ATP2A3: variants seen among roughly 807,000 people sequenced by gnomAD.
ATP2A3 encodes ATPase sarcoplasmic/endoplasmic reticulum Ca2+ transporting 3.
In ATP2A3, 61 loss-of-function variants were observed where a neutral mutation model predicts 106.8. The ratio of observed to expected loss-of-function variants is 0.57; its 90% CI spans 0.46 to 0.71. ATP2A3 has a LOEUF of 0.71. Ranked by LOEUF, ATP2A3 falls within the 30% of genes least tolerant of loss-of-function variation. The probability of loss-of-function intolerance (pLI) is 0.00; values close to 1 mark genes in which losing one functional copy is unlikely to be tolerated. For missense variants in ATP2A3, 1,201 were observed against 1,423.5 expected, an observed-to-expected ratio of 0.84 and a Z score of 2.52; for synonymous variants, 611 against 609.3, an observed-to-expected ratio of 1.00 and a Z score of -0.04.
chr17:3,947,382 G>A lies in ATP2A3; in HGVS notation c.1095+9C>T, dbSNP rs370155458. 9.6e-5 allele frequency: 155 copies of A among 1,613,582 alleles called. No individual in the cohort carries two copies. Among genetic ancestry groups the A allele is most frequent in the Non-Finnish European group, 1.2e-4 (147 of 1,180,032 alleles). On this transcript the variant is annotated intron_variant, in intron 8 of 20. Transcript: ENST00000397041. This position sits in a 1 kb window ranked among gnomAD's most constrained non-coding sequence, Gnocchi z 7.7. ...AACGCACAGCAACACCAAGCTGGCC[G>A]TCACTCACCCGGCAGACAGACATCT...
In ATP2A3 at chr17:3,924,483, C is replaced by T. The variant is rs1224513454; in HGVS notation, c.*939G>A. 7.3e-6 allele frequency: 2 copies of T among 275,800 alleles called. No homozygotes were observed. The highest frequency in any genetic ancestry group is 4.7e-5 in the Admixed American group (1 of 21,410). The allele number at this position is 275,800 out of a possible 1,614,324, so 17.1% of individuals were successfully genotyped here. A position where few individuals can be genotyped will look rare whatever the true frequency, so the allele number is the denominator to read the frequency against. On this transcript the variant is annotated 3_prime_UTR_variant, in exon 21 of 21. Coordinates refer to ENST00000397041, the MANE Select transcript of ATP2A3 (RefSeq NM_005173.4). This position sits in a 1 kb window ranked among gnomAD's most constrained non-coding sequence, Gnocchi z 6.4. ...CCAGGAAGCCCACCAGGCTCAGAGG[C>T]CCCCAGCTGTGCAGACAGCGCGGCG...
intron 5 of ATP2A3, 68 bp downstream of exon 5, chr17:3,951,183 T>C: frequency 8.5e-7 from 1 of 1,171,612 alleles, no homozygotes; most frequent in Non-Finnish European, 1.1e-6. Flanking sequence ...AAAAAATAAA[T>C]AAATAAATAA....
Position 3,949,127 on chromosome 17 carries a change from CAAAAAAAAA to C in ATP2A3, c.631-1281_631-1273del, listed in dbSNP as rs869265323. Among the ~76,000 whole-genome samples, 114 of 60,002 alleles carry C rather than the reference CAAAAAAAAA, an allele frequency of 1.9e-3. 1 individual carries two copies. Among genetic ancestry groups the C allele is most frequent in the South Asian group, 2.1e-3 (3 of 1,458 alleles). 39.4% of individuals were successfully genotyped at this position (60,002 alleles called of 152,430 possible). A position where few individuals can be genotyped will look rare whatever the true frequency, so the allele number is the denominator to read the frequency against. On this transcript the variant is annotated intron_variant, in intron 7 of 20. Transcript: ENST00000397041. The stretch of plus-strand genomic sequence containing the variant: ...TGGGTGACAGAGTGAGACTCTGTCT[CAAAAAAAAA>C]AAAAAAAAAAAAAAAAAGGAGTTCT...
intron 17 of ATP2A3, among the ~76,000 whole-genome samples, chr17:3,931,515 T>C (rs927780091): frequency 3.4e-5 from 5 of 148,472 alleles, no homozygotes; most frequent in Non-Finnish European, 7.4e-5. Context: ...AACATGGAGA[T>C]CTTTTTTCTT....
chr17:3,954,829 C>G (rs1273890147), intron 1 of ATP2A3, among the ~76,000 whole-genome samples: 1 of 152,196 alleles, frequency 6.6e-6, no homozygotes, highest in African/African-American at 2.4e-5. Flanking sequence ...TTTCCCGAAG[C>G]ACCTTTTGTA....
In ATP2A3 at chr17:3,956,038, C is replaced by T. The variant is rs555202328; in HGVS notation, c.119-2328G>A. 1.4e-4 allele frequency among the ~76,000 whole-genome samples: 22 copies of T among 152,248 alleles called. No individual in the cohort carries two copies. In the South Asian group the frequency reaches 3.1e-3, roughly 22 times the overall value. On this transcript the variant is annotated intron_variant, in intron 1 of 20. Transcript: ENST00000397041. ...CTGGAATTACCGGTGCCTGCCACCA[C>T]GCCCAGCTAATTTTTGTATTTTCAG...
At chr17:3,937,076 A>G (rs1469715025) in intron 15 of ATP2A3, 1 of 400,434 alleles carries the variant, frequency 2.5e-6, no homozygotes, top group Non-Finnish European at 4.8e-6. Flanking sequence ...ACAAATACAC[A>G]TTCGCACACG....
In ATP2A3 at chr17:3,925,845, C is replaced by CAGGCCTCA. The variant is rs988480017; in HGVS notation, c.2981-412_2981-405dup. Among the ~76,000 whole-genome samples the CAGGCCTCA allele has an allele frequency of 3.9e-5, 6 of 152,148 alleles. No homozygotes were observed. Among genetic ancestry groups the CAGGCCTCA allele is most frequent in the Admixed American group, 6.5e-5 (1 of 15,274 alleles). On this transcript the variant is annotated intron_variant, in intron 20 of 20. Coordinates refer to ENST00000397041, the MANE Select transcript of ATP2A3 (RefSeq NM_005173.4). This position sits in a 1 kb window ranked among gnomAD's most constrained non-coding sequence, Gnocchi z 4.2. ...CATCTCTCCCACTGCCTTCCCCAAC[C>CAGGCCTCA]AGGCCTCAAGGCCTCAAGGCCTGCC...
At position 3,953,703 on chromosome 17, in the gene ATP2A3, C is replaced by G. The variant is rs73971770; in HGVS notation, c.126G>C (p.Pro42=). 1.3e-6 allele frequency: 2 copies of G among 1,569,694 alleles called. No individual in the cohort carries two copies. The highest frequency in any genetic ancestry group is 1.2e-5 in the South Asian group (1 of 85,378). The change falls in exon 2 of 21, where the codon CCG becomes CCC. Residue 42 remains proline, a synonymous_variant. Transcript: ENST00000397041. This position sits in a 1 kb window ranked among gnomAD's most constrained non-coding sequence, Gnocchi z 5.1. ...ARERYGPNEL[P]SEEGKSLWEL... is the part of the protein sequence containing the mutation. ...CGGTGCCAGCCTCACCTTCCTCACT[C>G]GGGAGCTCTGCAGGATCCAGGCAGC...
rs2052644205 is a variant in ATP2A3 at position 3,925,368 on chromosome 17, A to G, written c.*54T>C. On this transcript the variant is annotated 3_prime_UTR_variant, in exon 21 of 21. Coordinates refer to ENST00000397041, the MANE Select transcript of ATP2A3 (RefSeq NM_005173.4). This position sits in a 1 kb window ranked among gnomAD's most constrained non-coding sequence, Gnocchi z 4.2. ...AAGGGTGGGGGGCGGAGGCGAACAC[A>G]TGGGCACCATCAGTCTGAGGTACAC... 1 of 1,613,596 alleles carries G rather than the reference A, an allele frequency of 6.2e-7. No homozygotes were observed. Among genetic ancestry groups the G allele is most frequent in the African/African-American group, 1.3e-5 (1 of 74,866 alleles).
At chr17:3,951,708 C>T (rs753652139) in intron 3 of ATP2A3, 23 bp from the exon 4 acceptor site, 35 of 1,593,310 alleles carry the variant, frequency 2.2e-5, no homozygotes, top group Middle Eastern at 1.7e-4. Context: ...AGCTGGTGAG[C>T]TCAGGCCCTG....
intron 14 of ATP2A3, among the ~76,000 whole-genome samples, chr17:3,939,786 T>TAAAAAA (rs71381543): frequency 7.9e-5 from 4 of 50,514 alleles, no homozygotes; most frequent in Non-Finnish European, 1.2e-4. Context: ...AGACTCTGTC[T>TAAAAAA]AAAAAAAAAA....
intron 10 of ATP2A3, 128 bp from the exon 11 acceptor site, chr17:3,943,650 C>G: frequency 1.4e-6 from 2 of 1,472,358 alleles, no homozygotes. Flanking sequence ...TGCACCGGCC[C>G]GTGAGCCCTT....
Position 3,947,403 on chromosome 17 carries a change from C to T in ATP2A3, c.1083G>A (p.Met361Ile), listed in dbSNP as rs978673745. 1.9e-6 allele frequency: 3 copies of T among 1,613,796 alleles called. No homozygotes were observed. The highest frequency in any genetic ancestry group is 2.7e-5 in the African/African-American group (2 of 74,962). The change falls in exon 8 of 21, where the codon ATG becomes ATA. Residue 361 changes from methionine (M) to isoleucine (I), a missense_variant. Physicochemically the swap from Met to Ile is conservative, Grantham distance 10. Transcript: ENST00000397041. The surrounding 1 kb of genome is among the most constrained non-coding windows in gnomAD (Gnocchi z 7.7). ...DKTGTLTTNQ[M>I]SVCRMFVVAE... ...GGCCGTCACTCACCCGGCAGACAGA[C>T]ATCTGATTGGTGGTGAGCGTGCCCG...
chr17:3,950,446 G>T, intron 7 of ATP2A3, 65 bp downstream of exon 7: 1 of 1,561,332 alleles, frequency 6.4e-7, no homozygotes, highest in East Asian at 2.2e-5. Flanking sequence ...TTACAGGCGT[G>T]ATCATAATCC....
intron 1 of ATP2A3, among the ~76,000 whole-genome samples, chr17:3,956,326 GA>G (rs1281714635): frequency 6.6e-6 from 1 of 152,132 alleles, no homozygotes; most frequent in Non-Finnish European, 1.5e-5. Flanking sequence ...CACATAGTAG[GA>G]GGGCACTTCC....
chr17:3,939,601 A>G (rs1304470265), intron 14 of ATP2A3, among the ~76,000 whole-genome samples: 1 of 151,764 alleles, frequency 6.6e-6, no homozygotes, highest in Non-Finnish European at 1.5e-5. Flanking sequence ...ATCCTGGCCA[A>G]TGTGGTGAAA....
rs749828983 is a variant in ATP2A3 at position 3,953,412 on chromosome 17, G to T, written c.154C>A (p.Leu52Met). Residue 52 changes from leucine to methionine, a missense_variant, in exon 3 of 21, where the codon CTG (leucine) becomes ATG (methionine). This residue lies in a region of ATP2A3 where 266 missense variants were observed against 246.8 expected (regional missense o/e 1.08). Coordinates refer to ENST00000397041, the MANE Select transcript of ATP2A3 (RefSeq NM_005173.4). This position sits in a 1 kb window ranked among gnomAD's most constrained non-coding sequence, Gnocchi z 5.1. ...PSEEGKSLWE[L>M]VLEQFEDLLV... ...AGGTCCTCAAACTGTTCCAGCACCAGCTCCCACAGGGACTTCCCTGGGAAC... is the reference window on the plus strand; with the variant it reads ...AGGTCCTCAAACTGTTCCAGCACCATCTCCCACAGGGACTTCCCTGGGAAC... 4.3e-6 allele frequency: 7 copies of T among 1,613,894 alleles called. No individual in the cohort carries two copies. The African/African-American group carries it at 8.0e-5, about 18-fold the overall frequency.
chr17:3,948,163 C>T (rs1225825574), intron 7 of ATP2A3, among the ~76,000 whole-genome samples: 1 of 152,208 alleles, frequency 6.6e-6, no homozygotes, highest in East Asian at 1.9e-4. Context: ...GCAGCACAAG[C>T]ATCAACCCCA....
Sources: allele counts gnomAD v4.1 joint callset (sites outside exome capture counted in the v4.1 genomes callset), GRCh38; gene constraint gnomAD v4.1.1; regional missense constraint gnomAD v4.1.1; non-coding constraint Gnocchi (gnomAD v3.1); transcripts MANE v1.5; gene names NCBI Gene and HGNC (gene_info 2026-07-23, HGNC 2026-07-21).